The following CTHRC1 variants were observed in gnomAD, a reference collection of about 807,000 sequenced individuals.
CTHRC1 encodes collagen triple helix repeat-containing protein 1.
Under a neutral mutation model 25.9 loss-of-function variants are expected in CTHRC1, and 21 were observed. That is an observed-to-expected ratio of 0.81 (90% CI 0.57 to 1.17). CTHRC1 has a LOEUF of 1.17. CTHRC1 is among the 50% of genes most tolerant of loss of function. The pLI is 0.00. For synonymous variants in CTHRC1, 109 were observed against 113.1 expected (o/e 0.96, Z 0.23); for missense variants, 281 against 304.3 (o/e 0.92, Z 0.57).
At chr8:103,381,407 T>G (rs1044537594) in intron 3 of CTHRC1, among the ~76,000 whole-genome samples, 1 of 152,036 alleles carries the variant, frequency 6.6e-6, no homozygotes, top group Non-Finnish European at 1.5e-5. Flanking sequence ...TTCTCCAGCT[T>G]TACACATACA....
At chr8:103,381,085 C>CT (rs1449219427) in intron 3 of CTHRC1, among the ~76,000 whole-genome samples, 1 of 151,938 alleles carries the variant, frequency 6.6e-6, no homozygotes, top group South Asian at 2.1e-4. Flanking sequence ...GATTCATTTT[C>CT]TTTTTTTTCT....
chr8:103,382,404 A>G (rs1408884343), intron 3 of CTHRC1, 54 bp from the exon 4 acceptor site: 1 of 1,582,020 alleles, frequency 6.3e-7, no homozygotes, highest in Non-Finnish European at 8.7e-7. Flanking sequence ...ATTTAACTAA[A>G]GGATTTTGCT....
In CTHRC1 at chr8:103,378,016, G is replaced by A; in HGVS notation, c.373-11G>A. On this transcript the variant is annotated splice_polypyrimidine_tract_variant and intron_variant, in intron 2 of 3. Coordinates refer to ENST00000330295, the MANE Select transcript of CTHRC1 (RefSeq NM_138455.4). Reference sequence around the variant, plus strand: ...AATGTTAATTAAATCCCATTTCTATGTTTGTGACAGGAGTGTACATTTACA... The same window carrying A: ...AATGTTAATTAAATCCCATTTCTATATTTGTGACAGGAGTGTACATTTACA... 1.9e-6 allele frequency: 3 copies of A among 1,596,356 alleles called. No homozygotes were observed. Among genetic ancestry groups the A allele is most frequent in the Non-Finnish European group, 2.6e-6 (3 of 1,163,786 alleles).
rs919105757 is a variant in CTHRC1 at position 103,371,752 on chromosome 8, G to C, written c.96G>C (p.Glu32Asp). ...TGCCCGCGCCGTCGAGCGCCTCTGA[G>C]ATCCCCAAGGGGAAGCAAAAGGCGC... ...LQLPAPSSASEIPKGKQKAQL... is the reference protein window; with the variant it reads ...LQLPAPSSASDIPKGKQKAQL... Residue 32 changes from glutamate (E) to aspartate (D), a missense_variant, in exon 1 of 4, where the codon GAG becomes GAC. Physicochemically the swap from Glu to Asp is conservative, Grantham distance 45. Coordinates refer to ENST00000330295, the MANE Select transcript of CTHRC1 (RefSeq NM_138455.4). 4 of 1,536,954 alleles carry C rather than the reference G, an allele frequency of 2.6e-6. No individual in the cohort carries two copies. The East Asian group carries it at 1.0e-4, about 39-fold the overall frequency.
chr8:103,379,320 G>C (rs368204518), intron 3 of CTHRC1, among the ~76,000 whole-genome samples: 8 of 152,202 alleles, frequency 5.3e-5, no homozygotes, highest in African/African-American at 1.7e-4. Flanking sequence ...CAGGATCACA[G>C]CTCACTGCAA....
chr8:103,378,621 G>C (rs917612351), intron 3 of CTHRC1, among the ~76,000 whole-genome samples: 1 of 152,184 alleles, frequency 6.6e-6, no homozygotes, highest in Non-Finnish European at 1.5e-5. Context: ...TGGGCTCACT[G>C]TAGGAACTCT....
Position 103,372,470 on chromosome 8 carries a change from G to A in CTHRC1, c.150+664G>A, listed in dbSNP as rs953279497. 4.4e-6 allele frequency: 7 copies of A among 1,576,946 alleles called. No individual in the cohort carries two copies. The African/African-American group carries it at 5.4e-5, about 12-fold the overall frequency. ...GCCGGAAAGGGAAATGAAGGGGCCC[G>A]GCGCTAACCCTCTAAGGACCTGTTT... On this transcript the variant is annotated intron_variant, in intron 1 of 3. Coordinates refer to ENST00000330295, the MANE Select transcript of CTHRC1 (RefSeq NM_138455.4).
intron 2 of CTHRC1, chr8:103,377,164 C>G (rs1473483416): frequency 6.6e-6 from 1 of 152,162 alleles, no homozygotes; most frequent in Non-Finnish European, 1.5e-5. Context: ...AGAAAATAAG[C>G]AAACAAGAAA....
intron 3 of CTHRC1, among the ~76,000 whole-genome samples, chr8:103,378,751 C>A (rs1398848280): frequency 6.6e-6 from 1 of 152,090 alleles, no homozygotes; most frequent in Non-Finnish European, 1.5e-5. Context: ...CGTGGTAGCT[C>A]ACACCTGTAA....
At position 103,382,822 on chromosome 8, in the gene CTHRC1, C is replaced by A. The variant is rs1018897233; in HGVS notation, c.*222C>A. 3.9e-6 allele frequency: 2 copies of A among 507,534 alleles called. No homozygotes were observed. The highest frequency in any genetic ancestry group is 1.9e-5 in the African/African-American group (1 of 51,722). 31.4% of individuals were successfully genotyped at this position (507,534 alleles called of 1,614,324 possible). A position where few individuals can be genotyped will look rare whatever the true frequency, so the allele number is the denominator to read the frequency against. ...TTTTTTTAGTTGGTTAGAATACTTTCTTCATAGTCACATTCTCTCAACCTA... is the reference window on the plus strand; with the variant it reads ...TTTTTTTAGTTGGTTAGAATACTTTATTCATAGTCACATTCTCTCAACCTA... On this transcript the variant is annotated 3_prime_UTR_variant, in exon 4 of 4. Transcript: ENST00000330295.
chr8:103,375,303 A>G (rs2575693), intron 1 of CTHRC1, among the ~76,000 whole-genome samples: 75,482 of 152,030 alleles, frequency 0.5, 19,503 homozygotes, highest in East Asian at 0.64. Context: ...AATAATATTC[A>G]TAATAAAAAA....
chr8:103,382,526 G>C lies in CTHRC1; in HGVS notation c.658G>C (p.Asp220His), dbSNP rs1172215030. The change falls in exon 4 of 4, where the codon GAT (aspartate) becomes CAT (histidine). Residue 220 changes from aspartate to histidine, a missense_variant. Physicochemically the swap from Asp to His is moderately conservative, Grantham distance 81 (BLOSUM62 -1). Transcript: ENST00000330295. ...TGCTATCTGGGTTGGTACTTGTTCA[G>C]ATTACCCAAAAGGAGATGCTTCTAC... ...DVAIWVGTCS[D>H]YPKGDASTGW... is the part of the protein sequence containing the mutation. 3.7e-6 allele frequency: 6 copies of C among 1,613,530 alleles called. No homozygotes were observed. The highest frequency in any genetic ancestry group is 5.1e-6 in the Non-Finnish European group (6 of 1,179,576).
intron 2 of CTHRC1, 98 bp from the exon 3 acceptor site, chr8:103,377,929 G>T: frequency 9.6e-7 from 1 of 1,040,904 alleles, no homozygotes; most frequent in East Asian, 2.5e-5. Flanking sequence ...AATACATTTT[G>T]GGGAAAAGGA....
chr8:103,381,303 T>C (rs1815906392), intron 3 of CTHRC1, among the ~76,000 whole-genome samples: 1 of 147,740 alleles, frequency 6.8e-6, no homozygotes, highest in Non-Finnish European at 1.5e-5. Context: ...TGTCCAAGTG[T>C]TCTCATTGTT....
chr8:103,372,704 G>A, intron 1 of CTHRC1: 1 of 1,537,650 alleles, frequency 6.5e-7, no homozygotes, highest in African/African-American at 1.4e-5. Flanking sequence ...AACAAACCCA[G>A]TGGAGGGCGG....
intron 3 of CTHRC1, among the ~76,000 whole-genome samples, chr8:103,378,499 G>T (rs1815849261): frequency 6.6e-6 from 1 of 152,154 alleles, no homozygotes. Context: ...TTTTTTAAAA[G>T]ATCCCCTGGT....
At chr8:103,371,878 G>A (rs1815711314) in intron 1 of CTHRC1, 72 bp downstream of exon 1, 3 of 1,409,618 alleles carry the variant, frequency 2.1e-6, no homozygotes, top group Middle Eastern at 2.5e-4. Context: ...CCACGGGCAG[G>A]GCGTCAGTCT....
At chr8:103,374,007 T>C (rs1308592376) in intron 1 of CTHRC1, among the ~76,000 whole-genome samples, 1 of 152,202 alleles carries the variant, frequency 6.6e-6, no homozygotes, top group Admixed American at 6.5e-5. Context: ...TGAAATATTT[T>C]GCACTTTTAA....
chr8:103,372,383 G>A (rs749156060), intron 1 of CTHRC1: 136 of 1,365,860 alleles, frequency 1.0e-4, no homozygotes, highest in Non-Finnish European at 1.3e-4. Context: ...AGGGAGTATG[G>A]GCTGCAATTT....
Sources: gnomAD v4.1 joint callset for allele counts (sites outside exome capture counted in the v4.1 genomes callset) on GRCh38, gnomAD v4.1.1 for gene constraint, MANE v1.5 for transcripts, NCBI Gene and HGNC (gene_info 2026-07-23, HGNC 2026-07-21) for gene names.